TRPS1: variants seen among roughly 807,000 people sequenced by gnomAD.
TRPS1 encodes the protein transcriptional repressor GATA binding 1.
TRPS1 carries 6 observed loss-of-function variants against 101.2 expected under a neutral mutation model. That is an observed-to-expected ratio of 0.06 (90% CI 0.03 to 0.12). The LOEUF is 0.12. Ranked by LOEUF, TRPS1 falls within the 10% of genes least tolerant of loss-of-function variation. The pLI is 1.00. For missense variants in TRPS1, 1,363 were observed against 1,567.0 expected, an observed-to-expected ratio of 0.87 and a Z score of 2.20; for synonymous variants, 578 against 589.8, an observed-to-expected ratio of 0.98 and a Z score of 0.29.
At position 115,604,475 on chromosome 8, in the gene TRPS1, A is replaced by C; in HGVS notation, c.1494T>G (p.Asp498Glu). The change falls in exon 4 of 7, where the codon GAT (aspartate) becomes GAG (glutamate). Residue 498 changes from aspartate (D) to glutamate (E), a missense_variant. By Grantham distance (45) the Asp-to-Glu change is conservative. Coordinates refer to ENST00000395715, the MANE Select transcript of TRPS1 (RefSeq NM_014112.5). This position sits in a 1 kb window ranked among gnomAD's most constrained non-coding sequence, Gnocchi z 4.1. The stretch of plus-strand genomic sequence containing the variant: ...TCTCTCCTTCTGAACTTTTGGCTAG[A>C]TCATTCTGATTAATGACAGAGCCCC... ...LSRGSVINQN[D>E]LAKSSEGETM... The C allele has an allele frequency of 6.2e-7, 1 of 1,614,026 alleles. No individual in the cohort carries two copies. The highest frequency in any genetic ancestry group is 8.5e-7 in the Non-Finnish European group (1 of 1,179,986).
chr8:115,497,043 T>C (rs1009421284), intron 5 of TRPS1, among the ~76,000 whole-genome samples: 5 of 152,216 alleles, frequency 3.3e-5, no homozygotes, highest in Admixed American at 3.3e-4. Flanking sequence ...AAAATGAAGG[T>C]TAAAAAATAT....
At chr8:115,427,727 G>A (rs1001615249) in intron 5 of TRPS1, among the ~76,000 whole-genome samples, 2 of 151,738 alleles carry the variant, frequency 1.3e-5, no homozygotes, top group African/African-American at 2.4e-5. Flanking sequence ...AATTATGCAA[G>A]TTTTGAGGTA....
chr8:115,550,485 A>G (rs1440775043), intron 5 of TRPS1, among the ~76,000 whole-genome samples: 1 of 152,150 alleles, frequency 6.6e-6, no homozygotes, highest in East Asian at 1.9e-4. Flanking sequence ...AATCTTAAGG[A>G]TACTGTGAAG....
chr8:115,450,975 C>T (rs1813856432), intron 5 of TRPS1, among the ~76,000 whole-genome samples: 1 of 152,140 alleles, frequency 6.6e-6, no homozygotes, highest in Non-Finnish European at 1.5e-5. Flanking sequence ...AAAATTTTTC[C>T]TGTTACCCCA....
chr8:115,450,482 C>T (rs968287946), intron 5 of TRPS1, among the ~76,000 whole-genome samples: 7 of 151,854 alleles, frequency 4.6e-5, no homozygotes, highest in African/African-American at 1.7e-4. Context: ...TTGTGAGGAC[C>T]ACTTAAACGA....
In TRPS1 at chr8:115,605,036, G is replaced by T. The variant is rs774202741; in HGVS notation, c.967-34C>A. On this transcript the variant is annotated intron_variant, in intron 3 of 6. Transcript: ENST00000395715. ...CAGAAGAAATGGACTTTACTTCCAA[G>T]GTGTCATTAATTCAATGGGCCCTCT... 8 of 1,606,178 alleles carry T rather than the reference G, an allele frequency of 5.0e-6. No individual in the cohort carries two copies. The South Asian group carries it at 7.7e-5, about 15-fold the overall frequency.
At chr8:115,517,955 A>T (rs1409230399) in intron 5 of TRPS1, among the ~76,000 whole-genome samples, 1 of 74,948 alleles carries the variant, frequency 1.3e-5, no homozygotes, top group Non-Finnish European at 2.6e-5. Flanking sequence ...AAGAACCCAT[A>T]CTAAAACTGG....
chr8:115,438,200 AACCCTGTGATATTTACC>A (rs546412031), intron 5 of TRPS1, among the ~76,000 whole-genome samples: 2,648 of 152,362 alleles, frequency 0.017, 83 homozygotes, highest in African/African-American at 0.057. Flanking sequence ...TAAATGAGAC[AACCCTGTGATATTTACC>A]TGTAATTCAT....
At chr8:115,645,222 T>C (rs556635298) in intron 1 of TRPS1, among the ~76,000 whole-genome samples, 7 of 152,118 alleles carry the variant, frequency 4.6e-5, no homozygotes, top group East Asian at 3.9e-4. Context: ...TACATATATA[T>C]ACACACGCAC....
intron 5 of TRPS1, among the ~76,000 whole-genome samples, chr8:115,558,474 T>C (rs1395348408): frequency 1.3e-5 from 2 of 152,172 alleles, no homozygotes; most frequent in Non-Finnish European, 2.9e-5. Context: ...AGGCACTGGT[T>C]TTCCATAGAA....
At chr8:115,557,987 G>C (rs781447009) in intron 5 of TRPS1, among the ~76,000 whole-genome samples, 21 of 151,822 alleles carry the variant, frequency 1.4e-4, no homozygotes, top group Admixed American at 4.6e-4. Context: ...GTACAATTAT[G>C]AGGTGATGTG....
chr8:115,667,189 C>T (rs895099762), intron 1 of TRPS1, among the ~76,000 whole-genome samples: 3 of 152,190 alleles, frequency 2.0e-5, no homozygotes, highest in Non-Finnish European at 4.4e-5. Flanking sequence ...GTCCTTCTCA[C>T]CCTCTAACTT....
chr8:115,630,497 G>C (rs974773406), intron 1 of TRPS1, among the ~76,000 whole-genome samples: 3 of 151,888 alleles, frequency 2.0e-5, no homozygotes, highest in African/African-American at 7.3e-5. Flanking sequence ...TATAATTCCA[G>C]GTTCAGGTGT....
At chr8:115,641,369 T>C (rs1473195071) in intron 1 of TRPS1, among the ~76,000 whole-genome samples, 1 of 152,198 alleles carries the variant, frequency 6.6e-6, no homozygotes, top group Non-Finnish European at 1.5e-5. Flanking sequence ...AATATTCCAT[T>C]TTAGCAAATA....
At chr8:115,558,261 G>T (rs1365483466) in intron 5 of TRPS1, among the ~76,000 whole-genome samples, 4 of 152,146 alleles carry the variant, frequency 2.6e-5, no homozygotes, top group African/African-American at 9.7e-5. Flanking sequence ...AATAAAGATA[G>T]TTGTAATTTA....
intron 5 of TRPS1, among the ~76,000 whole-genome samples, chr8:115,479,264 C>T (rs572824820): frequency 2.0e-5 from 3 of 152,148 alleles, no homozygotes; most frequent in East Asian, 1.9e-4. Flanking sequence ...CATGCTCTTA[C>T]GTAACTTGTA....
At chr8:115,535,144 A>ATACAGCATATG (rs1563582540) in intron 5 of TRPS1, among the ~76,000 whole-genome samples, 1 of 27,694 alleles carries the variant, frequency 3.6e-5, no homozygotes, top group Admixed American at 4.4e-4. Context: ...TATAGCATAT[A>ATACAGCATATG]TATAGCATAT....
intron 5 of TRPS1, among the ~76,000 whole-genome samples, chr8:115,475,578 C>T (rs185790379): frequency 2.6e-4 from 40 of 151,962 alleles, no homozygotes; most frequent in African/African-American, 9.4e-4. Flanking sequence ...TCTGAGATTC[C>T]ATTATTTCAT....
chr8:115,521,446 C>T (rs1003100405), intron 5 of TRPS1, among the ~76,000 whole-genome samples: 2 of 150,220 alleles, frequency 1.3e-5, no homozygotes, highest in African/African-American at 4.9e-5. Context: ...TACTCTTGAC[C>T]CAAGGCTGAG....
Sources: allele counts gnomAD v4.1 joint callset (sites outside exome capture counted in the v4.1 genomes callset), GRCh38; gene constraint gnomAD v4.1.1; non-coding constraint Gnocchi (gnomAD v3.1); transcripts MANE v1.5; gene names NCBI Gene and HGNC (gene_info 2026-07-23, HGNC 2026-07-21).